The following PLA2G4A variants were observed in gnomAD, a reference collection of about 807,000 sequenced individuals.
PLA2G4A encodes the protein cytosolic phospholipase A2.
A neutral mutation model predicts 81.9 loss-of-function variants in PLA2G4A; 40 were observed. That is an observed-to-expected ratio of 0.49 (90% CI 0.38 to 0.64). The LOEUF (loss-of-function observed/expected upper bound fraction) is 0.64, where lower values mean the gene tolerates loss of function less well. Ranked by LOEUF, PLA2G4A falls within the 30% of genes least tolerant of loss-of-function variation. PLA2G4A has a pLI of 0.00. For synonymous variants in PLA2G4A, 302 were observed against 296.9 expected, an observed-to-expected ratio of 1.02 and a Z score of -0.18; for missense variants, 715 against 905.1, an observed-to-expected ratio of 0.79 and a Z score of 2.69.
intron 15 of PLA2G4A, among the ~76,000 whole-genome samples, chr1:186,968,393 G>GGTGTGTGT (rs1291464246): frequency 0.078 from 2,461 of 31,524 alleles, 75 homozygotes; most frequent in East Asian, 0.32. Context: ...CTCTTTTCGC[G>GGTGTGTGT]GTGTGTATGT....
intron 15 of PLA2G4A, among the ~76,000 whole-genome samples, chr1:186,969,360 T>C (rs1194571028): frequency 6.6e-6 from 1 of 151,890 alleles, no homozygotes; most frequent in African/African-American, 2.4e-5. Context: ...ATTAGGGTAA[T>C]TGGGATATCT....
chr1:186,870,455 C>A lies in PLA2G4A; in HGVS notation c.54C>A (p.His18Gln). 1 of 1,607,770 alleles carries A rather than the reference C, an allele frequency of 6.2e-7. No homozygotes were observed. Among genetic ancestry groups the A allele is most frequent in the Non-Finnish European group, 8.5e-7 (1 of 1,174,266 alleles). ...TCCAGGTGGAGCACCAGTATTCCCA[C>A]AAGTTTACGGTAGTGGTGTTACGTG... ...QHIIVEHQYS[H>Q]KFTVVVLRAT... is the part of the protein sequence containing the mutation. Residue 18 changes from histidine (H) to glutamine (Q), a missense_variant, in exon 3 of 18, where the codon CAC (histidine) becomes CAA (glutamine). Coordinates refer to ENST00000367466, the MANE Select transcript of PLA2G4A (RefSeq NM_024420.3).
chr1:186,870,305 C>A, intron 2 of PLA2G4A, 130 bp from the exon 3 acceptor site: 1 of 703,808 alleles, frequency 1.4e-6, no homozygotes. Context: ...AAGAAGCAGC[C>A]TTACATCAAA....
At chr1:186,902,134 A>G (rs1429086133) in intron 5 of PLA2G4A, among the ~76,000 whole-genome samples, 5 of 152,216 alleles carry the variant, frequency 3.3e-5, no homozygotes, top group South Asian at 4.1e-4. Flanking sequence ...ACTGAATACA[A>G]TAGGCATTTG....
At chr1:186,839,449 T>C (rs1651900147) in intron 1 of PLA2G4A, among the ~76,000 whole-genome samples, 1 of 152,228 alleles carries the variant, frequency 6.6e-6, no homozygotes, top group African/African-American at 2.4e-5. Context: ...AAATTTCTCA[T>C]TGGCAAAATG....
chr1:186,843,269 CA>C (rs1652052933), intron 1 of PLA2G4A, among the ~76,000 whole-genome samples: 2 of 152,192 alleles, frequency 1.3e-5, no homozygotes, highest in Admixed American at 1.3e-4. Flanking sequence ...TGTGGATTTT[CA>C]AAATTAAGTG....
chr1:186,864,031 G>A (rs1283528759), intron 2 of PLA2G4A, among the ~76,000 whole-genome samples: 2 of 36 alleles, frequency 0.056, no homozygotes, highest in Non-Finnish European at 0.056. Context: ...CTCCCAAAGT[G>A]CTGGGATTAA....
rs1026704394 is a variant in PLA2G4A, at chr1:186,952,776, C to T, written c.1336+2048C>T. On this transcript the variant is annotated intron_variant, in intron 13 of 17. Transcript: ENST00000367466. ...TACTCTCTCCATAGTTTTGCCTTTTCCAGAATGTCATGTAGTCAGAATCAA... is the reference window on the plus strand; with the variant it reads ...TACTCTCTCCATAGTTTTGCCTTTTTCAGAATGTCATGTAGTCAGAATCAA... Among the ~76,000 whole-genome samples the T allele has an allele frequency of 1.0e-4, 12 of 114,702 alleles. 1 individual carries two copies. Among genetic ancestry groups the T allele is most frequent in the African/African-American group, 4.1e-4 (12 of 29,566 alleles). 75.2% of individuals were successfully genotyped at this position (114,702 alleles called of 152,430 possible). A position where few individuals can be genotyped will look rare whatever the true frequency, so the allele number is the denominator to read the frequency against.
chr1:186,858,544 T>G (rs1652677427), intron 2 of PLA2G4A, among the ~76,000 whole-genome samples: 1 of 152,150 alleles, frequency 6.6e-6, no homozygotes, highest in Non-Finnish European at 1.5e-5. Context: ...TTTCTCCCAT[T>G]CTGTAGGTTG....
chr1:186,899,517 A>G (rs1025312304), intron 5 of PLA2G4A, among the ~76,000 whole-genome samples: 12 of 152,180 alleles, frequency 7.9e-5, no homozygotes, highest in Admixed American at 3.9e-4. Flanking sequence ...ACTAGAAAGG[A>G]CAGAGCATGT....
At chr1:186,962,185 G>A (rs1419791368) in intron 14 of PLA2G4A, among the ~76,000 whole-genome samples, 1 of 151,576 alleles carries the variant, frequency 6.6e-6, no homozygotes, top group Non-Finnish European at 1.5e-5. Context: ...TGTTATAATT[G>A]TTCTCTTTTA....
intron 7 of PLA2G4A, among the ~76,000 whole-genome samples, chr1:186,914,692 G>A (rs1230595659): frequency 6.6e-6 from 1 of 152,170 alleles, no homozygotes; most frequent in Non-Finnish European, 1.5e-5. Context: ...TAGGTCAGGG[G>A]TTGATGTTTA....
chr1:186,975,214 A>G (rs1020203419), intron 15 of PLA2G4A, among the ~76,000 whole-genome samples: 3 of 152,238 alleles, frequency 2.0e-5, no homozygotes, highest in African/African-American at 7.2e-5. Flanking sequence ...AAAAGAAGAG[A>G]TTGGTGATAA....
At chr1:186,938,636 G>C (rs1656038457) in intron 8 of PLA2G4A, among the ~76,000 whole-genome samples, 1 of 152,064 alleles carries the variant, frequency 6.6e-6, no homozygotes, top group Non-Finnish European at 1.5e-5. Context: ...GACTAGTCTT[G>C]GAGCCAGACA....
chr1:186,913,531 G>A (rs1655037983), intron 7 of PLA2G4A, among the ~76,000 whole-genome samples: 2 of 151,952 alleles, frequency 1.3e-5, no homozygotes, highest in Admixed American at 1.3e-4. Flanking sequence ...AAATGATAAT[G>A]AAGTTTCTTG....
At chr1:186,857,515 A>T (rs939702364) in intron 2 of PLA2G4A, among the ~76,000 whole-genome samples, 5 of 138,726 alleles carry the variant, frequency 3.6e-5, no homozygotes, top group East Asian at 2.0e-4. Context: ...TATAATATAT[A>T]ATATAATATA....
At chr1:186,899,350 G>A (rs1456739435) in intron 5 of PLA2G4A, among the ~76,000 whole-genome samples, 1 of 152,168 alleles carries the variant, frequency 6.6e-6, no homozygotes, top group Non-Finnish European at 1.5e-5. Context: ...GGTCAGAGAG[G>A]TGAAGACAGG....
rs562528146 is a variant in PLA2G4A, at chr1:186,892,173, A to G, written c.116-838A>G. ...TTTTCTACAGTTTTTTGAGCTCCTT[A>G]TATATTCTGGTGATTAATTTCTTGT... On this transcript the variant is annotated intron_variant, in intron 3 of 17. Coordinates refer to ENST00000367466, the MANE Select transcript of PLA2G4A (RefSeq NM_024420.3). Among the ~76,000 whole-genome samples, 14 of 152,116 alleles carry G rather than the reference A, an allele frequency of 9.2e-5. No homozygotes were observed. The South Asian group carries it at 2.5e-3, about 27-fold the overall frequency.
chr1:186,976,886 C>T (rs1372262394), intron 15 of PLA2G4A, among the ~76,000 whole-genome samples: 2 of 152,020 alleles, frequency 1.3e-5, no homozygotes, highest in African/African-American at 4.8e-5. Context: ...TCATAAATCA[C>T]CCGTGGAGGC....
Sources: allele counts gnomAD v4.1 joint callset (sites outside exome capture counted in the v4.1 genomes callset), GRCh38; gene constraint gnomAD v4.1.1; transcripts MANE v1.5; gene names NCBI Gene and HGNC (gene_info 2026-07-23, HGNC 2026-07-21).